Variants in PLD5 observed in about 807,000 individuals in gnomAD.
PLD5 encodes inactive phospholipase D5.
In PLD5, 36 loss-of-function variants were observed where a neutral mutation model predicts 61.1. The ratio of observed to expected loss-of-function variants is 0.59; its 90% CI spans 0.45 to 0.78. The LOEUF (loss-of-function observed/expected upper bound fraction) is 0.78, where lower values mean the gene tolerates loss of function less well. Ranked by LOEUF, PLD5 falls within the 30% of genes least tolerant of loss-of-function variation. PLD5 has a pLI of 0.00. For synonymous variants in PLD5, 243 were observed against 242.8 expected, an observed-to-expected ratio of 1.00 and a Z score of -0.01; for missense variants, 515 against 644.4, an observed-to-expected ratio of 0.80 and a Z score of 2.17.
intron 5 of PLD5, among the ~76,000 whole-genome samples, chr1:242,184,289 A>C (rs1428191424): frequency 6.6e-6 from 1 of 152,220 alleles, no homozygotes; most frequent in Non-Finnish European, 1.5e-5. Flanking sequence ...AAGATTTGAA[A>C]TATCCACAGC....
chr1:242,366,900 A>AT (rs940277966), intron 1 of PLD5, among the ~76,000 whole-genome samples: 12 of 152,210 alleles, frequency 7.9e-5, no homozygotes, highest in African/African-American at 1.9e-4. Flanking sequence ...GGTTATTTTT[A>AT]TTTTTTTACT....
intron 4 of PLD5, among the ~76,000 whole-genome samples, chr1:242,244,531 G>A (rs1458417982): frequency 6.6e-6 from 1 of 152,230 alleles, no homozygotes; most frequent in Non-Finnish European, 1.5e-5. Context: ...GGCTTTAAAT[G>A]AGTGGATACA....
At chr1:242,331,646 A>G (rs774678863) in intron 2 of PLD5, among the ~76,000 whole-genome samples, 2 of 152,216 alleles carry the variant, frequency 1.3e-5, no homozygotes, top group Non-Finnish European at 2.9e-5. Context: ...TCAACGTTTA[A>G]TATTACATTT....
intron 3 of PLD5, among the ~76,000 whole-genome samples, chr1:242,281,485 T>C (rs931525883): frequency 1.3e-5 from 2 of 152,050 alleles, no homozygotes; most frequent in African/African-American, 4.8e-5. Flanking sequence ...CATAATTTAC[T>C]GTGTTTTCAA....
At chr1:242,399,318 C>T (rs924498369) in intron 1 of PLD5, among the ~76,000 whole-genome samples, 3 of 152,050 alleles carry the variant, frequency 2.0e-5, no homozygotes, top group South Asian at 2.1e-4. Flanking sequence ...AAACAAATAA[C>T]GAAATCTCAT....
chr1:242,202,860 C>T (rs1669068093), intron 5 of PLD5, among the ~76,000 whole-genome samples: 2 of 152,000 alleles, frequency 1.3e-5, no homozygotes, highest in Non-Finnish European at 2.9e-5. Context: ...ATACAGGCCT[C>T]CGACACCAAG....
intron 1 of PLD5, among the ~76,000 whole-genome samples, chr1:242,433,976 C>T (rs372848349): frequency 4.1e-4 from 62 of 152,320 alleles, no homozygotes; most frequent in Non-Finnish European, 1.8e-4. Context: ...AGATTACATA[C>T]GCTCTTGTAG....
At chr1:242,206,265 C>T (rs754031452) in intron 5 of PLD5, among the ~76,000 whole-genome samples, 19 of 152,174 alleles carry the variant, frequency 1.2e-4, no homozygotes, top group East Asian at 5.8e-4. Flanking sequence ...GCACCAGAGG[C>T]GGAAAGTGCT....
intron 4 of PLD5, among the ~76,000 whole-genome samples, chr1:242,242,794 G>A (rs1255051382): frequency 6.6e-6 from 1 of 152,158 alleles, no homozygotes; most frequent in African/African-American, 2.4e-5. Context: ...GATCTGTGGG[G>A]TTTTTTGGTG....
At chr1:242,188,966 A>C (rs1452660437) in intron 5 of PLD5, among the ~76,000 whole-genome samples, 1 of 152,234 alleles carries the variant, frequency 6.6e-6, no homozygotes, top group Non-Finnish European at 1.5e-5. Context: ...CTAGGGACCT[A>C]GAATTATATG....
chr1:242,256,743 C>T lies in PLD5; in HGVS notation c.607+8594G>A, dbSNP rs1042471248. Reference sequence around the variant, plus strand: ...TTACAGCAGCACAAATGAACTAAGACTATCATCTATCTATCTATCTATCTA... The same window carrying T: ...TTACAGCAGCACAAATGAACTAAGATTATCATCTATCTATCTATCTATCTA... On this transcript the variant is annotated intron_variant, in intron 4 of 9. Coordinates refer to ENST00000536534, the MANE Select transcript of PLD5 (RefSeq NM_001372062.1). This position sits in a 1 kb window ranked among gnomAD's most constrained non-coding sequence, Gnocchi z 5.7. Among the ~76,000 whole-genome samples, 1 of 142,008 alleles carries T rather than the reference C, an allele frequency of 7.0e-6. No homozygotes were observed. The allele number at this position is 142,008 out of a possible 152,430, so 93.2% of individuals were successfully genotyped here. A position where few individuals can be genotyped will look rare whatever the true frequency, so the allele number is the denominator to read the frequency against.
chr1:242,089,975 G>A lies in PLD5; in HGVS notation c.1490C>T (p.Pro497Leu), dbSNP rs750902393. 7 of 1,614,134 alleles carry A rather than the reference G, an allele frequency of 4.3e-6. No homozygotes were observed. The highest frequency in any genetic ancestry group is 1.1e-5 in the South Asian group (1 of 91,080). ...GGTTGGCTGTAAGGTTTTGGCATAC[G>A]GTGAATACCAGTCCCTTTCAAACAC... ...KDVFERDWYSPYAKTLQPTKQ... is the reference protein window; with the variant it reads ...KDVFERDWYSLYAKTLQPTKQ... The change falls in exon 10 of 10, where the codon CCG (proline) becomes CTG (leucine). Residue 497 changes from proline to leucine, a missense_variant. Around this residue, in one of 2 missense-constraint regions of PLD5, gnomAD observed 450 missense variants for 598.1 expected, o/e 0.75. Transcript: ENST00000536534.
Position 242,524,281 on chromosome 1 carries a change from A to T in PLD5, c.-5T>A. Reference sequence around the variant, plus strand: ...CTCGTGCTGCCGGATCTCCATCCTGACATGACCGGGCGGCCGCCGGCGAGC... The same window carrying T: ...CTCGTGCTGCCGGATCTCCATCCTGTCATGACCGGGCGGCCGCCGGCGAGC... On this transcript the variant is annotated 5_prime_UTR_variant, in exon 1 of 10. Transcript: ENST00000536534. 1 of 1,406,810 alleles carries T rather than the reference A, an allele frequency of 7.1e-7. No homozygotes were observed. The highest frequency in any genetic ancestry group is 9.2e-7 in the Non-Finnish European group (1 of 1,086,094). The allele number at this position is 1,406,810 out of a possible 1,614,324, so 87.1% of individuals were successfully genotyped here.
chr1:242,411,223 G>C (rs1664531362), intron 1 of PLD5, among the ~76,000 whole-genome samples: 2 of 137,022 alleles, frequency 1.5e-5, no homozygotes, highest in African/African-American at 5.9e-5. Context: ...CCAACCTGTG[G>C]TTTTGTTTTT....
intron 5 of PLD5, among the ~76,000 whole-genome samples, chr1:242,167,318 C>G (rs1257118373): frequency 6.6e-6 from 1 of 152,096 alleles, no homozygotes; most frequent in African/African-American, 2.4e-5. Flanking sequence ...CTGGGGAGGC[C>G]TCACAATCAT....
intron 1 of PLD5, among the ~76,000 whole-genome samples, chr1:242,382,889 G>A (rs1662381078): frequency 6.6e-6 from 1 of 152,142 alleles, no homozygotes; most frequent in Admixed American, 6.5e-5. Flanking sequence ...CATCTCTTCT[G>A]TTAAATGTCT....
chr1:242,239,339 A>C (rs946600411), intron 4 of PLD5, among the ~76,000 whole-genome samples: 3 of 152,150 alleles, frequency 2.0e-5, no homozygotes, highest in Admixed American at 6.5e-5. Flanking sequence ...ATAATTCTAA[A>C]AAGAGAAAGC....
intron 3 of PLD5, among the ~76,000 whole-genome samples, chr1:242,275,825 T>C (rs1202329352): frequency 1.3e-5 from 2 of 152,062 alleles, no homozygotes; most frequent in Non-Finnish European, 2.9e-5. Context: ...TGGGGTCACA[T>C]GATGAAGGGC....
At chr1:242,273,120 C>T (rs946116791) in intron 3 of PLD5, among the ~76,000 whole-genome samples, 4 of 151,986 alleles carry the variant, frequency 2.6e-5, no homozygotes, top group Admixed American at 6.6e-5. Context: ...TGTTCCCCTC[C>T]CTGTGTCCAT....
Sources: allele counts gnomAD v4.1 joint callset (sites outside exome capture counted in the v4.1 genomes callset), GRCh38; gene constraint gnomAD v4.1.1; regional missense constraint gnomAD v4.1.1; non-coding constraint Gnocchi (gnomAD v3.1); transcripts MANE v1.5; gene names NCBI Gene and HGNC (gene_info 2026-07-23, HGNC 2026-07-21).